The following BLTP3A variants were observed in gnomAD, a reference collection of about 807,000 sequenced individuals.
BLTP3A encodes ICBP90 binding protein 1.
the BLTP3A span, among the ~76,000 whole-genome samples, chr6:34,798,935 T>G: frequency 6.6e-6 from 1 of 152,274 alleles, no homozygotes; most frequent in Non-Finnish European, 1.5e-5. Flanking sequence ...TAGGCTACCC[T>G]GGATTTTATT....
chr6:34,829,027 C>CAAAAAAAAAAAAA, the BLTP3A span, among the ~76,000 whole-genome samples: 4 of 50,726 alleles, frequency 7.9e-5, no homozygotes, highest in African/African-American at 1.9e-4. Context: ...AACTCCATCT[C>CAAAAAAAAAAAAA]AAAAAAAAAA....
At chr6:34,869,640 C>CTTTTTTTTT in the BLTP3A span, among the ~76,000 whole-genome samples, 104 of 81,510 alleles carry the variant, frequency 1.3e-3, 29 homozygotes, top group African/African-American at 6.0e-3. Context: ...ACATACACCA[C>CTTTTTTTTT]TTTTTTTTTT....
chr6:34,835,352 G>A, the BLTP3A span: 1 of 1,614,102 alleles, frequency 6.2e-7, no homozygotes, highest in East Asian at 2.2e-5. Context: ...GACCTGCTCT[G>A]GGTGCTGACT....
At chr6:34,808,657 C>T in the BLTP3A span, among the ~76,000 whole-genome samples, 1 of 151,988 alleles carries the variant, frequency 6.6e-6, no homozygotes, top group Non-Finnish European at 1.5e-5. Context: ...AGTCACGGCT[C>T]ACTGCAGCCT....
chr6:34,833,474 T>G, the BLTP3A span, among the ~76,000 whole-genome samples: 1 of 152,110 alleles, frequency 6.6e-6, no homozygotes, highest in Non-Finnish European at 1.5e-5. Context: ...AGAAACCCTA[T>G]GTCTCTTTTC....
the BLTP3A span, among the ~76,000 whole-genome samples, chr6:34,839,934 C>T: frequency 1.1e-4 from 17 of 152,234 alleles, no homozygotes; most frequent in Non-Finnish European, 2.1e-4. Context: ...TGTGCCATGC[C>T]GTGCTGTGCC....
the BLTP3A span, among the ~76,000 whole-genome samples, chr6:34,806,815 A>T: frequency 3.9e-5 from 6 of 151,996 alleles, no homozygotes; most frequent in Non-Finnish European, 5.9e-5. Context: ...TCCTGCCACC[A>T]CGCCCGGCTA....
chr6:34,857,273 T>C, the BLTP3A span: 2 of 1,602,676 alleles, frequency 1.2e-6, no homozygotes, highest in South Asian at 1.1e-5. Flanking sequence ...TAAGCAGAAA[T>C]GGAGGGCTGC....
the BLTP3A span, among the ~76,000 whole-genome samples, chr6:34,802,604 G>C: frequency 1.3e-5 from 2 of 152,008 alleles, no homozygotes; most frequent in East Asian, 3.9e-4. Flanking sequence ...CAGGTGATCC[G>C]CCTGCCTCGG....
chr6:34,864,522 C>CTTTTTTT, the BLTP3A span, among the ~76,000 whole-genome samples: 2 of 109,454 alleles, frequency 1.8e-5, no homozygotes, highest in African/African-American at 6.9e-5. Context: ...TGCTTATAGT[C>CTTTTTTT]TTTTTTTTTT....
the BLTP3A span, among the ~76,000 whole-genome samples, chr6:34,798,032 T>C: frequency 2.0e-5 from 3 of 152,210 alleles, no homozygotes; most frequent in Non-Finnish European, 4.4e-5. Flanking sequence ...ATTACTAGCA[T>C]CTGAGAAGCT....
chr6:34,830,826 A>G, the BLTP3A span, among the ~76,000 whole-genome samples: 1 of 152,194 alleles, frequency 6.6e-6, no homozygotes, highest in Non-Finnish European at 1.5e-5. Context: ...CTAGCATTGC[A>G]TAAAAGTTCT....
At chr6:34,803,747 C>T in the BLTP3A span, among the ~76,000 whole-genome samples, 44 of 151,698 alleles carry the variant, frequency 2.9e-4, no homozygotes, top group Admixed American at 7.2e-4. Context: ...GTGTGGGGAG[C>T]GTGGTATGTA....
chr6:34,870,519 G>A, the BLTP3A span, among the ~76,000 whole-genome samples: 1 of 152,182 alleles, frequency 6.6e-6, no homozygotes, highest in African/African-American at 2.4e-5. Context: ...AGTAGAGTTT[G>A]GGAGTCCTGT....
At chr6:34,871,596 C>G in the BLTP3A span, 10 of 1,612,802 alleles carry the variant, frequency 6.2e-6, no homozygotes, top group African/African-American at 2.7e-5. Flanking sequence ...TGATATCCCC[C>G]CCATCTATCC....
the BLTP3A span, among the ~76,000 whole-genome samples, chr6:34,831,192 G>A: frequency 6.6e-6 from 1 of 151,010 alleles, no homozygotes; most frequent in South Asian, 2.1e-4. Context: ...CAATGGCGCA[G>A]TCTCAGCTCA....
the BLTP3A span, chr6:34,856,162 CTA>C: frequency 6.6e-7 from 1 of 1,523,750 alleles, no homozygotes; most frequent in East Asian, 2.3e-5. Context: ...TGAACTATGA[CTA>C]TACTGACAGA....
the BLTP3A span, chr6:34,857,439 G>A: frequency 6.2e-7 from 1 of 1,614,040 alleles, no homozygotes; most frequent in African/African-American, 1.3e-5. Flanking sequence ...AGTTCACAGA[G>A]TATTACTTCC....
the BLTP3A span, among the ~76,000 whole-genome samples, chr6:34,848,869 CCTT>C: frequency 1.3e-5 from 2 of 150,322 alleles, no homozygotes; most frequent in African/African-American, 2.4e-5. Flanking sequence ...TGGTTTCTGG[CCTT>C]CTTTTCCTTC....
Sources: allele counts gnomAD v4.1 joint callset (sites outside exome capture counted in the v4.1 genomes callset), GRCh38; gene constraint gnomAD v4.1.1; transcripts MANE v1.5; gene names NCBI Gene and HGNC (gene_info 2026-07-23, HGNC 2026-07-21).